The following PIK3C3 variants were observed in gnomAD, a reference collection of about 807,000 sequenced individuals.
PIK3C3 encodes PI3-kinase type 3.
PIK3C3 carries 95 observed loss-of-function variants against 126.1 expected under a neutral mutation model. The ratio of observed to expected loss-of-function variants is 0.75; its 90% CI spans 0.64 to 0.89. PIK3C3 has a LOEUF of 0.89. PIK3C3 is among the 40% of genes least tolerant of loss of function. The pLI is 0.00. For synonymous variants in PIK3C3, 374 were observed against 360.0 expected, an observed-to-expected ratio of 1.04 and a Z score of -0.44; for missense variants, 829 against 1,063.2, an observed-to-expected ratio of 0.78 and a Z score of 3.06.
intron 4 of PIK3C3, chr18:41,985,219 A>G (rs912620009): frequency 6.6e-6 from 1 of 152,200 alleles, no homozygotes; most frequent in African/African-American, 2.4e-5. Flanking sequence ...TCTCAAGAAG[A>G]TGATTTTGCC....
At chr18:42,008,570 T>G (rs1200590004) in intron 10 of PIK3C3, among the ~76,000 whole-genome samples, 1 of 152,124 alleles carries the variant, frequency 6.6e-6, no homozygotes, top group East Asian at 1.9e-4. Flanking sequence ...ATTTGCACTT[T>G]GAAGCATTAG....
At chr18:41,960,897 A>G (rs1980050483) in intron 2 of PIK3C3, among the ~76,000 whole-genome samples, 1 of 151,966 alleles carries the variant, frequency 6.6e-6, no homozygotes, top group Non-Finnish European at 1.5e-5. Flanking sequence ...GCGCACCACC[A>G]TGCCCGGCTG....
chr18:42,008,903 T>G (rs905914209), intron 10 of PIK3C3, among the ~76,000 whole-genome samples: 2 of 152,176 alleles, frequency 1.3e-5, no homozygotes, highest in Non-Finnish European at 2.9e-5. Context: ...AGTTTTCTAC[T>G]GAATTTCCCC....
intron 8 of PIK3C3, 70 bp from the exon 9 acceptor site, chr18:41,996,568 T>C (rs1027880031): frequency 7.6e-6 from 5 of 657,356 alleles, no homozygotes; most frequent in Admixed American, 2.9e-5. Flanking sequence ...ATGAAAAATA[T>C]TAAGTGAAAT....
At chr18:41,967,787 C>T (rs1980445905) in intron 3 of PIK3C3, among the ~76,000 whole-genome samples, 1 of 152,204 alleles carries the variant, frequency 6.6e-6, no homozygotes, top group African/African-American at 2.4e-5. Context: ...ATTTCTCTTG[C>T]AGTTGTTTTT....
chr18:41,999,896 T>C (rs1370279955), intron 9 of PIK3C3, among the ~76,000 whole-genome samples: 2 of 152,102 alleles, frequency 1.3e-5, no homozygotes, highest in Non-Finnish European at 1.5e-5. Context: ...TAAGGTAGGC[T>C]GTTAGGTTCA....
At chr18:42,046,299 A>G (rs923112376) in intron 20 of PIK3C3, among the ~76,000 whole-genome samples, 1 of 152,158 alleles carries the variant, frequency 6.6e-6, no homozygotes, top group African/African-American at 2.4e-5. Flanking sequence ...ATTTTAGAAA[A>G]TAATGTTTTA....
rs1029857357 is a variant in PIK3C3 at position 42,081,287 on chromosome 18, A to C, written c.*150A>C. The C allele has an allele frequency of 3.8e-5, 20 of 519,888 alleles. No individual in the cohort carries two copies. Among genetic ancestry groups the C allele is most frequent in the Non-Finnish European group, 7.0e-5 (20 of 287,292 alleles). 32.2% of individuals were successfully genotyped at this position (519,888 alleles called of 1,614,324 possible). On this transcript the variant is annotated 3_prime_UTR_variant, in exon 25 of 25. Coordinates refer to ENST00000262039, the MANE Select transcript of PIK3C3 (RefSeq NM_002647.4). Reference sequence around the variant, plus strand: ...TTTTCCAAATATTACATGGTACCTGAGTTCTGCTTCCTTGGATGTCATTGC... The same window carrying C: ...TTTTCCAAATATTACATGGTACCTGCGTTCTGCTTCCTTGGATGTCATTGC...
intron 19 of PIK3C3, among the ~76,000 whole-genome samples, chr18:42,042,880 A>G (rs1000346336): frequency 1.3e-5 from 2 of 152,112 alleles, no homozygotes; most frequent in African/African-American, 4.8e-5. Context: ...TTTGGTTTGC[A>G]TTTCCCTGAT....
In PIK3C3 at chr18:42,076,596, G is replaced by A. The variant is rs563209686; in HGVS notation, c.2650-4527G>A. ...TGCACAACTACCCATTAAAACACAT[G>A]ATATTTAAAAAACAAAGAATACAGG... On this transcript the variant is annotated intron_variant, in intron 24 of 24. Transcript: ENST00000262039. Among the ~76,000 whole-genome samples the A allele has an allele frequency of 8.3e-4, 126 of 152,176 alleles. 1 individual carries two copies. The highest frequency in any genetic ancestry group is 3.0e-3 in the African/African-American group (123 of 41,512).
At chr18:42,076,593 C>G (rs1478744628) in intron 24 of PIK3C3, among the ~76,000 whole-genome samples, 1 of 152,144 alleles carries the variant, frequency 6.6e-6, no homozygotes, top group Non-Finnish European at 1.5e-5. Context: ...CATTAAAACA[C>G]ATGATATTTA....
At chr18:41,961,186 A>G (rs1314490885) in intron 2 of PIK3C3, among the ~76,000 whole-genome samples, 1 of 152,200 alleles carries the variant, frequency 6.6e-6, no homozygotes, top group Non-Finnish European at 1.5e-5. Context: ...ACAGAATAAT[A>G]AATTCCACAA....
chr18:42,048,603 C>A (rs995642816), intron 20 of PIK3C3, among the ~76,000 whole-genome samples: 1 of 152,182 alleles, frequency 6.6e-6, no homozygotes, highest in African/African-American at 2.4e-5. Context: ...TACATTGTAA[C>A]TGTGATTATT....
At position 42,083,659 on chromosome 18, in the gene PIK3C3, T is replaced by C. The variant is rs1986326247; in HGVS notation, c.*2522T>C. 1 of 152,214 alleles carries C rather than the reference T, an allele frequency of 6.6e-6. No individual in the cohort carries two copies. Among genetic ancestry groups the C allele is most frequent in the Non-Finnish European group, 1.5e-5 (1 of 68,040 alleles). The allele number at this position is 152,214 out of a possible 1,614,324, so 9.4% of individuals were successfully genotyped here. On this transcript the variant is annotated 3_prime_UTR_variant, in exon 25 of 25. Transcript: ENST00000262039. ...CATGATGTAGGGGCTCAGTATTACATGGCAGGGCTATACTAATTGCTTCAT... is the reference window on the plus strand; with the variant it reads ...CATGATGTAGGGGCTCAGTATTACACGGCAGGGCTATACTAATTGCTTCAT...
At chr18:41,958,849 T>C (rs1397101811) in intron 2 of PIK3C3, among the ~76,000 whole-genome samples, 3 of 152,104 alleles carry the variant, frequency 2.0e-5, no homozygotes, top group South Asian at 2.1e-4. Context: ...AACGCCTAAG[T>C]TTCTGTTACA....
chr18:42,050,732 T>TGA (rs2144492257), intron 21 of PIK3C3: 2 of 152,380 alleles, frequency 1.3e-5, no homozygotes, highest in African/African-American at 4.8e-5. Flanking sequence ...GCAAACAATA[T>TGA]ATGTTGCCTA....
At position 42,083,291 on chromosome 18, in the gene PIK3C3, G is replaced by T. The variant is rs1332956425; in HGVS notation, c.*2154G>T. 4 of 152,032 alleles carry T rather than the reference G, an allele frequency of 2.6e-5. No homozygotes were observed. The highest frequency in any genetic ancestry group is 9.7e-5 in the African/African-American group (4 of 41,384). The allele number at this position is 152,032 out of a possible 1,614,324, so 9.4% of individuals were successfully genotyped here. A position where few individuals can be genotyped will look rare whatever the true frequency, so the allele number is the denominator to read the frequency against. On this transcript the variant is annotated 3_prime_UTR_variant, in exon 25 of 25. Transcript: ENST00000262039. ...ATTATCATTGCCATGTGACTTCTTTGGTGACAAGTTCAGTGATATTTCAAG... is the reference window on the plus strand; with the variant it reads ...ATTATCATTGCCATGTGACTTCTTTTGTGACAAGTTCAGTGATATTTCAAG...
At chr18:42,037,253 C>T (rs1441038909) in intron 16 of PIK3C3, among the ~76,000 whole-genome samples, 2 of 152,102 alleles carry the variant, frequency 1.3e-5, no homozygotes, top group Non-Finnish European at 2.9e-5. Flanking sequence ...TTTCAGTATA[C>T]CTCTAAAAAT....
chr18:41,973,596 C>G (rs647084), intron 4 of PIK3C3, among the ~76,000 whole-genome samples: 46 of 152,034 alleles, frequency 3.0e-4, no homozygotes, highest in African/African-American at 1.1e-3. Flanking sequence ...AGATACTTAA[C>G]TTGTTCTTAC....
Sources: gnomAD v4.1 joint callset for allele counts (sites outside exome capture counted in the v4.1 genomes callset) on GRCh38, gnomAD v4.1.1 for gene constraint, MANE v1.5 for transcripts, NCBI Gene and HGNC (gene_info 2026-07-23, HGNC 2026-07-21) for gene names.